JMJD1C: variants seen among roughly 807,000 people sequenced by gnomAD.
JMJD1C encodes the protein jumonji domain-containing protein 1C.
JMJD1C carries 31 observed loss-of-function variants against 245.3 expected under a neutral mutation model. The ratio of observed to expected loss-of-function variants is 0.13; its 90% confidence interval spans 0.09 to 0.17. The LOEUF is 0.17. Among genes scored for constraint, JMJD1C ranks in the 10% least tolerant of loss-of-function variants. The pLI, the probability that JMJD1C is intolerant of heterozygous loss-of-function variation, is 1.00. For synonymous variants in JMJD1C, 1,057 were observed against 1,017.4 expected, an observed-to-expected ratio of 1.04 and a Z score of -0.74; for missense variants, 2,691 against 3,000.2, an observed-to-expected ratio of 0.90 and a Z score of 2.41.
chr10:63,362,007 G>C (rs1001844871), intron 2 of JMJD1C, among the ~76,000 whole-genome samples: 14 of 152,020 alleles, frequency 9.2e-5, no homozygotes, highest in Admixed American at 8.5e-4. Flanking sequence ...GCCGAGGCGG[G>C]TGGATCACCT....
In JMJD1C at chr10:63,301,401, G is replaced by A. The variant is rs111930992; in HGVS notation, c.334-36637C>T. Among the ~76,000 whole-genome samples the A allele has an allele frequency of 5.8e-3, 889 of 152,276 alleles. 2 individuals carry two copies. The highest frequency in any genetic ancestry group is 0.01 in the Middle Eastern group (3 of 294). ...CCCAATTACCCTTTTACTCTAGGAA[G>A]TACACCTAGTTTATCACACAGGCAA... On this transcript the variant is annotated intron_variant, in intron 2 of 25. Coordinates refer to ENST00000399262, the MANE Select transcript of JMJD1C (RefSeq NM_032776.3).
intron 2 of JMJD1C, among the ~76,000 whole-genome samples, chr10:63,302,460 T>C (rs1860216848): frequency 6.6e-6 from 1 of 152,162 alleles, no homozygotes; most frequent in Non-Finnish European, 1.5e-5. Flanking sequence ...ATCTGATATT[T>C]GAAAAACAGA....
intron 1 of JMJD1C, among the ~76,000 whole-genome samples, chr10:63,399,426 G>A (rs1203800743): frequency 1.3e-5 from 2 of 151,960 alleles, no homozygotes; most frequent in Admixed American, 1.3e-4. Flanking sequence ...CTCCTGATTT[G>A]GTCACCTTTT....
chr10:63,228,468 G>A (rs1437857574), intron 3 of JMJD1C, among the ~76,000 whole-genome samples: 1 of 152,084 alleles, frequency 6.6e-6, no homozygotes, highest in East Asian at 1.9e-4. Context: ...AGTGAGGTAT[G>A]ATCACTGTAG....
intron 1 of JMJD1C, among the ~76,000 whole-genome samples, chr10:63,440,110 G>A (rs958732037): frequency 4.6e-5 from 7 of 152,238 alleles, no homozygotes; most frequent in South Asian, 2.1e-4. Context: ...CAAGGTGGGC[G>A]GATCACCTGA....
chr10:63,170,972 G>C (rs1842294489), intron 24 of JMJD1C, among the ~76,000 whole-genome samples: 1 of 152,118 alleles, frequency 6.6e-6, no homozygotes, highest in South Asian at 2.1e-4. Context: ...TGTATTCATA[G>C]TAGGAAGGTT....
chr10:63,427,736 G>A lies in JMJD1C; in HGVS notation c.168+37759C>T. 5 of 1,376,300 alleles carry A rather than the reference G, an allele frequency of 3.6e-6. No individual in the cohort carries two copies. The South Asian group carries it at 4.6e-5, about 13-fold the overall frequency. 85.3% of individuals were successfully genotyped at this position (1,376,300 alleles called of 1,614,324 possible). A position where few individuals can be genotyped will look rare whatever the true frequency, so the allele number is the denominator to read the frequency against. ...GTCTCCAGAAGTGTCCAGGAATTTG[G>A]TCTTGCCCAGTTCAAAAGCAACGTG... On this transcript the variant is annotated intron_variant, in intron 1 of 25. Transcript: ENST00000399262.
chr10:63,414,180 G>A (rs1430581230), intron 1 of JMJD1C, among the ~76,000 whole-genome samples: 1 of 151,804 alleles, frequency 6.6e-6, no homozygotes, highest in Non-Finnish European at 1.5e-5. Flanking sequence ...TACAGACAGG[G>A]TTTTACTGTG....
upstream of JMJD1C, among the ~76,000 whole-genome samples, chr10:63,469,176 C>T (rs1287711642): frequency 6.6e-6 from 1 of 152,154 alleles, no homozygotes; most frequent in Non-Finnish European, 1.5e-5. Context: ...TATTTTATGT[C>T]ACTATACATG....
intron 3 of JMJD1C, among the ~76,000 whole-genome samples, chr10:63,256,405 A>G (rs1406253379): frequency 1.3e-5 from 2 of 152,236 alleles, no homozygotes; most frequent in Non-Finnish European, 2.9e-5. Flanking sequence ...AGGTAATAGA[A>G]TATTTAAATA....
In JMJD1C at chr10:63,391,541, A is replaced by AC. The variant is rs201971717; in HGVS notation, c.169-11060_169-11059insG. Among the ~76,000 whole-genome samples, 44 of 151,450 alleles carry AC rather than the reference A, an allele frequency of 2.9e-4. 1 individual carries two copies. The East Asian group carries it at 3.7e-3, about 13-fold the overall frequency. ...AACAACAACAACAACAACAACAACA[A>AC]AAAAGACAATTCCATTTATAATACC... On this transcript the variant is annotated intron_variant, in intron 1 of 25. Transcript: ENST00000399262.
intron 3 of JMJD1C, among the ~76,000 whole-genome samples, chr10:63,257,629 A>G (rs1160652131): frequency 1.3e-5 from 2 of 152,228 alleles, no homozygotes; most frequent in African/African-American, 4.8e-5. Context: ...ACCTTATTGA[A>G]TATCACTTCT....
intron 1 of JMJD1C, among the ~76,000 whole-genome samples, chr10:63,509,747 A>G (rs141807027): frequency 1.3e-5 from 2 of 152,326 alleles, no homozygotes; most frequent in African/African-American, 4.8e-5. Context: ...GGGATCTGTA[A>G]AGATGCTGCT....
intron 1 of JMJD1C, among the ~76,000 whole-genome samples, chr10:63,414,906 CAA>C (rs751283631): frequency 1.6e-4 from 15 of 92,490 alleles, no homozygotes; most frequent in East Asian, 1.0e-3. Context: ...GACTCTATCT[CAA>C]AAAAAAAAAA....
At chr10:63,291,123 G>C (rs183173963) in intron 2 of JMJD1C, among the ~76,000 whole-genome samples, 1 of 151,370 alleles carries the variant, frequency 6.6e-6, no homozygotes, top group East Asian at 2.0e-4. Flanking sequence ...TGGCTAACAC[G>C]GTGAAACTCT....
rs541691475 is a variant in JMJD1C, at chr10:63,279,176, C to T, written c.334-14412G>A. 2.3e-3 allele frequency among the ~76,000 whole-genome samples: 340 copies of T among 150,930 alleles called. 1 individual carries two copies. Among genetic ancestry groups the T allele is most frequent in the African/African-American group, 8.0e-3 (330 of 41,168 alleles). ...GAGGCAGGAGAATCGCTTGAACCCA[C>T]GAGGCAGAGGTTGCAGTGAGCTAAG... On this transcript the variant is annotated intron_variant, in intron 2 of 25. Transcript: ENST00000399262.
rs577801184 is a variant in JMJD1C, at chr10:63,398,236, T to G, written c.169-17754A>C. On this transcript the variant is annotated intron_variant, in intron 1 of 25. Transcript: ENST00000399262. ...CATATTGCAACTGTTTGATATGACTTTTTTTTTCTTGCTTCCCCAGGTCAC... is the reference window on the plus strand; with the variant it reads ...CATATTGCAACTGTTTGATATGACTGTTTTTTTCTTGCTTCCCCAGGTCAC... 4.6e-5 allele frequency among the ~76,000 whole-genome samples: 7 copies of G among 152,188 alleles called. No individual in the cohort carries two copies. In the South Asian group the frequency reaches 1.4e-3, roughly 32 times the overall value.
intron 15 of JMJD1C, 66 bp from the exon 16 acceptor site, chr10:63,193,217 C>A: frequency 6.7e-7 from 1 of 1,497,124 alleles, no homozygotes; most frequent in Non-Finnish European, 9.2e-7. Context: ...AGTATAGATA[C>A]AAAAAATTTA....
At chr10:63,276,441 G>C (rs895359604) in intron 2 of JMJD1C, among the ~76,000 whole-genome samples, 4 of 146,432 alleles carry the variant, frequency 2.7e-5, no homozygotes, top group Non-Finnish European at 6.0e-5. Context: ...ACTCCAGCCT[G>C]GGAGACAGAG....
Sources: gnomAD v4.1 joint callset for allele counts (sites outside exome capture counted in the v4.1 genomes callset) on GRCh38, gnomAD v4.1.1 for gene constraint, MANE v1.5 for transcripts, NCBI Gene and HGNC (gene_info 2026-07-23, HGNC 2026-07-21) for gene names.